CRTC1: variants seen among roughly 807,000 people sequenced by gnomAD.
The protein encoded by CRTC1 is CREB-regulated transcription coactivator 1.
A neutral mutation model predicts 66.1 loss-of-function variants in CRTC1; 18 were observed. That is an observed-to-expected ratio of 0.27 (90% CI 0.19 to 0.40). CRTC1 has a LOEUF of 0.40. Among genes scored for constraint, CRTC1 ranks in the 10% least tolerant of loss-of-function variants. CRTC1 has a pLI of 1.00. For missense variants in CRTC1, 669 were observed against 887.9 expected (o/e 0.75, Z 3.13); for synonymous variants, 416 against 398.8 (o/e 1.04, Z -0.51).
intron 1 of CRTC1, among the ~76,000 whole-genome samples, chr19:18,725,337 T>C (rs889667434): frequency 3.0e-4 from 45 of 152,228 alleles, no homozygotes; most frequent in African/African-American, 9.9e-4. Context: ...TGTCCCTCCC[T>C]GTGGCCTCCA....
chr19:18,717,436 G>T (rs771657483), intron 1 of CRTC1, among the ~76,000 whole-genome samples: 2 of 152,078 alleles, frequency 1.3e-5, no homozygotes, highest in Non-Finnish European at 2.9e-5. Context: ...CTGGAGCAGG[G>T]CTGCCACCCC....
intron 1 of CRTC1, among the ~76,000 whole-genome samples, chr19:18,703,883 C>A (rs1392260030): frequency 6.6e-6 from 1 of 152,216 alleles, no homozygotes; most frequent in Non-Finnish European, 1.5e-5. Flanking sequence ...CAGGCGAGAG[C>A]CACTGCGCCT....
intron 1 of CRTC1, among the ~76,000 whole-genome samples, chr19:18,703,361 C>A (rs1190836532): frequency 6.6e-6 from 1 of 152,100 alleles, no homozygotes; most frequent in African/African-American, 2.4e-5. Context: ...TAACTAGACT[C>A]CAGACTGTGT....
chr19:18,740,443 T>A (rs2054087067), intron 1 of CRTC1, among the ~76,000 whole-genome samples: 1 of 152,172 alleles, frequency 6.6e-6, no homozygotes, highest in Non-Finnish European at 1.5e-5. Flanking sequence ...TAGACGTGGC[T>A]GACCACCCTC....
intron 8 of CRTC1, among the ~76,000 whole-genome samples, chr19:18,764,947 G>A (rs1043146565): frequency 6.6e-6 from 1 of 152,196 alleles, no homozygotes; most frequent in Non-Finnish European, 1.5e-5. Flanking sequence ...ACCATTTATT[G>A]TCTCCTGAAA....
In CRTC1 at chr19:18,775,789, G is replaced by GC; in HGVS notation, c.1663dup (p.His555ProfsTer21). The GC allele has an allele frequency of 6.2e-7, 1 of 1,608,472 alleles. No individual in the cohort carries two copies. Among genetic ancestry groups the GC allele is most frequent in the African/African-American group, 1.3e-5 (1 of 74,944 alleles). Reference sequence around the variant, plus strand: ...GACTCGCAGCAACTGGGATACGCCAGCCACAGTGGCATCCCCAACATCATC... The same window carrying GC: ...GACTCGCAGCAACTGGGATACGCCAGCCCACAGTGGCATCCCCAACATCATC... On this transcript the variant is annotated frameshift_variant, in exon 13 of 14. Transcript: ENST00000321949. LOFTEE classifies it high-confidence loss of function.
Position 18,777,717 on chromosome 19 carries a change from C to T in CRTC1, c.*335C>T, listed in dbSNP as rs1245161839. 2 of 367,632 alleles carry T rather than the reference C, an allele frequency of 5.4e-6. No homozygotes were observed. The highest frequency in any genetic ancestry group is 2.1e-5 in the African/African-American group (1 of 46,546). 22.8% of individuals were successfully genotyped at this position (367,632 alleles called of 1,614,324 possible). A position where few individuals can be genotyped will look rare whatever the true frequency, so the allele number is the denominator to read the frequency against. On this transcript the variant is annotated 3_prime_UTR_variant, in exon 14 of 14. Transcript: ENST00000321949. The surrounding 1 kb of genome is among the most constrained non-coding windows in gnomAD (Gnocchi z 5.5). ...CTGTAAGATGCGGGAAGTGTCAGCT[C>T]CCGGCGTGGCGGGCAGGCTCAGGGG...
rs905502815 is a variant in CRTC1 at position 18,779,443 on chromosome 19, G to A, written c.*2061G>A. The stretch of plus-strand genomic sequence containing the variant: ...TCTCTTACCATGACAGAGGCTGGGG[G>A]CAGACAGCGGGGACTTTTTTTTTTT... On this transcript the variant is annotated 3_prime_UTR_variant, in exon 14 of 14. Transcript: ENST00000321949. 4.5e-6 allele frequency: 1 copy of A among 223,744 alleles called. No individual in the cohort carries two copies. The highest frequency in any genetic ancestry group is 2.2e-5 in the African/African-American group (1 of 44,772). 13.9% of individuals were successfully genotyped at this position (223,744 alleles called of 1,614,324 possible).
intron 1 of CRTC1, among the ~76,000 whole-genome samples, chr19:18,738,914 T>C (rs955295814): frequency 3.9e-5 from 6 of 152,206 alleles, no homozygotes; most frequent in African/African-American, 1.4e-4. Context: ...CCGTCAGGCC[T>C]TGCATGAGGG....
intron 1 of CRTC1, among the ~76,000 whole-genome samples, chr19:18,724,765 A>G (rs918364636): frequency 1.2e-5 from 1 of 84,226 alleles, no homozygotes; most frequent in African/African-American, 4.8e-5. Flanking sequence ...TCATCCCAAG[A>G]TCCTTCCCTT....
Position 18,768,541 on chromosome 19 carries a change from C to T in CRTC1, c.1068C>T (p.Thr356=), listed in dbSNP as rs1307836672. Residue 356 remains threonine (T), a synonymous_variant, in exon 10 of 14, where the codon ACC becomes ACT. Coordinates refer to ENST00000321949, the MANE Select transcript of CRTC1 (RefSeq NM_015321.3). The surrounding 1 kb of genome is among the most constrained non-coding windows in gnomAD (Gnocchi z 5.6). ...LEQQLPYAFF[T]QAGSQQPPPQ... is the part of the protein sequence containing the mutation. ...AGCAGCTGCCCTACGCCTTCTTCAC[C>T]CAGGCGGGCTCCCAGCAGCCACCGC... is the stretch of plus-strand genomic sequence containing the variant. 6.2e-7 allele frequency: 1 copy of T among 1,607,910 alleles called. No homozygotes were observed. Among genetic ancestry groups the T allele is most frequent in the East Asian group, 2.2e-5 (1 of 44,758 alleles).
chr19:18,744,491 AAC>A (rs56007866), intron 2 of CRTC1, among the ~76,000 whole-genome samples: 39,494 of 148,520 alleles, frequency 0.27, 5,400 homozygotes, highest in African/African-American at 0.36. Flanking sequence ...CACACACACA[AAC>A]ACACACACAC....
chr19:18,726,379 C>T (rs777282970), intron 1 of CRTC1, among the ~76,000 whole-genome samples: 4 of 152,356 alleles, frequency 2.6e-5, no homozygotes, highest in African/African-American at 7.2e-5. Context: ...CAGAGGAGCC[C>T]TCAGGCGGCC....
In CRTC1 at chr19:18,771,621, ACTGT is replaced by A. The variant is rs1334605286; in HGVS notation, c.1425+81_1425+84del. The A allele has an allele frequency of 1.2e-5, 14 of 1,145,652 alleles. No homozygotes were observed. The Admixed American group carries it at 1.6e-4, about 13-fold the overall frequency. 71.0% of individuals were successfully genotyped at this position (1,145,652 alleles called of 1,614,324 possible). On this transcript the variant is annotated intron_variant, in intron 11 of 13. Transcript: ENST00000321949. This position sits in a 1 kb window ranked among gnomAD's most constrained non-coding sequence, Gnocchi z 4.6. ...TTCATGCCCCGTGTGTTCCCTGCCCACTGTCTGTCCTCATGCATCGCTCCTCATG... is the reference window on the plus strand; with the variant it reads ...TTCATGCCCCGTGTGTTCCCTGCCCACTGTCCTCATGCATCGCTCCTCATG...
chr19:18,711,713 G>C (rs1405454791), intron 1 of CRTC1, among the ~76,000 whole-genome samples: 1 of 152,036 alleles, frequency 6.6e-6, no homozygotes, highest in East Asian at 1.9e-4. Flanking sequence ...TCCCGGCTGC[G>C]TTGGGAGGGG....
intron 6 of CRTC1, among the ~76,000 whole-genome samples, chr19:18,758,887 C>T (rs1174233513): frequency 6.6e-6 from 1 of 152,230 alleles, no homozygotes; most frequent in East Asian, 1.9e-4. Flanking sequence ...CCACCATGAT[C>T]TGGGAACAGC....
At chr19:18,726,035 G>A (rs191916890) in intron 1 of CRTC1, among the ~76,000 whole-genome samples, 31 of 152,332 alleles carry the variant, frequency 2.0e-4, no homozygotes, top group Admixed American at 5.9e-4. Flanking sequence ...CCGCGCCCTC[G>A]ATCTTCTCTG....
At chr19:18,734,651 C>G (rs1692085952) in intron 1 of CRTC1, among the ~76,000 whole-genome samples, 1 of 152,190 alleles carries the variant, frequency 6.6e-6, no homozygotes, top group South Asian at 2.1e-4. Flanking sequence ...GTACTCCAGC[C>G]TGGGCCACAG....
intron 1 of CRTC1, among the ~76,000 whole-genome samples, chr19:18,687,553 G>A (rs955849158): frequency 6.6e-6 from 1 of 152,204 alleles, no homozygotes; most frequent in Non-Finnish European, 1.5e-5. Context: ...TATGATGTGG[G>A]CTTCCCTCCT....
Sources: allele counts gnomAD v4.1 joint callset (sites outside exome capture counted in the v4.1 genomes callset), GRCh38; gene constraint gnomAD v4.1.1; non-coding constraint Gnocchi (gnomAD v3.1); transcripts MANE v1.5; gene names NCBI Gene and HGNC (gene_info 2026-07-23, HGNC 2026-07-21).